The following TMCC3 variants were observed in gnomAD, a reference collection of about 807,000 sequenced individuals.
The protein encoded by TMCC3 is transmembrane and coiled-coil domain family 3.
TMCC3 carries 28 observed loss-of-function variants against 40.2 expected under a neutral mutation model. The observed-to-expected ratio is 0.70, with a 90% CI of 0.52 to 0.95. The LOEUF is 0.95. TMCC3 is among the 40% of genes least tolerant of loss of function. The probability of loss-of-function intolerance (pLI) is 0.00; values close to 1 mark genes in which losing one functional copy is unlikely to be tolerated. For missense variants in TMCC3, 554 were observed against 615.2 expected (o/e 0.90, Z 1.05); for synonymous variants, 255 against 248.5 (o/e 1.03, Z -0.25).
chr12:94,584,882 A>G (rs1487585567), intron 1 of TMCC3, among the ~76,000 whole-genome samples: 1 of 152,140 alleles, frequency 6.6e-6, no homozygotes, highest in Non-Finnish European at 1.5e-5. Context: ...ATAGGGAATA[A>G]AGAAGGTATA....
Position 94,593,422 on chromosome 12 carries a change from AG to A in TMCC3, c.79-10885del, listed in dbSNP as rs376232219. On this transcript the variant is annotated intron_variant, in intron 1 of 3. Coordinates refer to ENST00000261226, the MANE Select transcript of TMCC3 (RefSeq NM_020698.4). ...GAAAGAAGAAGAAGGAAGAAGAAGA[AG>A]GAAGAAGAAGGAGAAGGAGAAGGAG... Among the ~76,000 whole-genome samples, 18 of 25,570 alleles carry A rather than the reference AG, an allele frequency of 7.0e-4. 2 individuals carry two copies. Among genetic ancestry groups the A allele is most frequent in the African/African-American group, 1.9e-3 (13 of 6,842 alleles). 16.8% of individuals were successfully genotyped at this position (25,570 alleles called of 152,430 possible). A position where few individuals can be genotyped will look rare whatever the true frequency, so the allele number is the denominator to read the frequency against.
In TMCC3 at chr12:94,571,322, A is replaced by T. The variant is rs1270429504; in HGVS notation, c.*113T>A. On this transcript the variant is annotated 3_prime_UTR_variant, in exon 4 of 4. Transcript: ENST00000261226. ...GTAGTTATTTACACCACACAGTCCTAGTTTTTCTTACACACGAGTCCGCAC... is the reference window on the plus strand; with the variant it reads ...GTAGTTATTTACACCACACAGTCCTTGTTTTTCTTACACACGAGTCCGCAC... 1.8e-6 allele frequency: 2 copies of T among 1,085,008 alleles called. No homozygotes were observed. Among genetic ancestry groups the T allele is most frequent in the African/African-American group, 3.2e-5 (2 of 62,722 alleles). 67.2% of individuals were successfully genotyped at this position (1,085,008 alleles called of 1,614,324 possible). A position where few individuals can be genotyped will look rare whatever the true frequency, so the allele number is the denominator to read the frequency against.
intron 1 of TMCC3, among the ~76,000 whole-genome samples, chr12:94,589,150 T>C (rs2068656690): frequency 6.6e-6 from 1 of 151,142 alleles, no homozygotes; most frequent in Admixed American, 6.6e-5. Context: ...TTTTTTTAGC[T>C]CATTGGCTAT....
chr12:94,621,131 A>G (rs950513741), intron 1 of TMCC3, among the ~76,000 whole-genome samples: 1 of 152,276 alleles, frequency 6.6e-6, no homozygotes, highest in African/African-American at 2.4e-5. Context: ...AACCATGCTT[A>G]GAAAACGCTG....
intron 1 of TMCC3, among the ~76,000 whole-genome samples, chr12:94,639,219 T>A (rs1410477030): frequency 6.6e-6 from 1 of 152,164 alleles, no homozygotes; most frequent in South Asian, 2.1e-4. Context: ...TCCACCTAGA[T>A]GAGACTGCCT....
intron 1 of TMCC3, among the ~76,000 whole-genome samples, chr12:94,642,261 G>A (rs1395754497): frequency 1.3e-5 from 2 of 152,124 alleles, no homozygotes; most frequent in Non-Finnish European, 2.9e-5. Context: ...AATTTTACTG[G>A]TTACAGTCTG....
intron 1 of TMCC3, among the ~76,000 whole-genome samples, chr12:94,619,629 C>G (rs1566330593): frequency 6.6e-6 from 1 of 152,202 alleles, no homozygotes; most frequent in Non-Finnish European, 1.5e-5. Flanking sequence ...GTGTTTGCCT[C>G]TATTCTCATT....
At chr12:94,632,933 G>A (rs11107629) in intron 1 of TMCC3, among the ~76,000 whole-genome samples, 1,791 of 152,024 alleles carry the variant, frequency 0.012, 28 homozygotes, top group African/African-American at 0.041. Context: ...AGGGTGAAAC[G>A]CCATCTCTAC....
intron 1 of TMCC3, among the ~76,000 whole-genome samples, chr12:94,633,060 T>C (rs2068941876): frequency 6.6e-6 from 1 of 152,082 alleles, no homozygotes; most frequent in Admixed American, 6.6e-5. Context: ...GGGCCGAGAT[T>C]GCACCATTGC....
In TMCC3 at chr12:94,568,688, TAA is replaced by T. The variant is rs745875289; in HGVS notation, c.*2745_*2746del. On this transcript the variant is annotated 3_prime_UTR_variant, in exon 4 of 4. Coordinates refer to ENST00000261226, the MANE Select transcript of TMCC3 (RefSeq NM_020698.4). ...TTAAGAGAGAATAAACTGCAGAGAT[TAA>T]AAGTTTCCTTCGAGTGTATCATCTT... 3.3e-5 allele frequency: 5 copies of T among 152,184 alleles called. No individual in the cohort carries two copies. The highest frequency in any genetic ancestry group is 5.9e-5 in the Non-Finnish European group (4 of 68,032). The allele number at this position is 152,184 out of a possible 1,614,324, so 9.4% of individuals were successfully genotyped here.
Position 94,570,023 on chromosome 12 carries a change from G to A in TMCC3, c.*1412C>T, listed in dbSNP as rs1341305009. 1.3e-5 allele frequency: 2 copies of A among 152,172 alleles called. No homozygotes were observed. The highest frequency in any genetic ancestry group is 2.9e-5 in the Non-Finnish European group (2 of 68,034). The allele number at this position is 152,172 out of a possible 1,614,324, so 9.4% of individuals were successfully genotyped here. ...GCGGTGAATGGTATCCCCCAAACAGGGATGTGAACTTTTGAATGTTTTCAG... is the reference window on the plus strand; with the variant it reads ...GCGGTGAATGGTATCCCCCAAACAGAGATGTGAACTTTTGAATGTTTTCAG... On this transcript the variant is annotated 3_prime_UTR_variant, in exon 4 of 4. Transcript: ENST00000261226.
chr12:94,621,048 C>G, intron 1 of TMCC3, among the ~76,000 whole-genome samples: 1 of 152,154 alleles, frequency 6.6e-6, no homozygotes, highest in East Asian at 1.9e-4. Flanking sequence ...CACATTGAAT[C>G]TTCTGTATAT....
intron 1 of TMCC3, 140 bp downstream of exon 1, chr12:94,650,213 G>C (rs1334375104): frequency 5.1e-6 from 2 of 394,018 alleles, no homozygotes; most frequent in Non-Finnish European, 7.9e-6. Flanking sequence ...TCGGAGGATC[G>C]GGGAGGCACG....
intron 1 of TMCC3, among the ~76,000 whole-genome samples, chr12:94,630,559 T>C (rs2068927635): frequency 6.6e-6 from 1 of 152,206 alleles, no homozygotes; most frequent in South Asian, 2.1e-4. Context: ...TGTCTCTTTC[T>C]TGGCACTGCA....
chr12:94,610,443 AT>A (rs1291853702), intron 1 of TMCC3, among the ~76,000 whole-genome samples: 20 of 147,084 alleles, frequency 1.4e-4, no homozygotes, highest in Non-Finnish European at 2.8e-4. Context: ...AAAAAAAAAA[AT>A]TTTTTTTTCA....
At chr12:94,612,205 G>A (rs2068820266) in intron 1 of TMCC3, among the ~76,000 whole-genome samples, 1 of 152,144 alleles carries the variant, frequency 6.6e-6, no homozygotes, top group African/African-American at 2.4e-5. Context: ...TCACCATGTT[G>A]ACCAGGCTGG....
intron 1 of TMCC3, among the ~76,000 whole-genome samples, chr12:94,646,439 T>TC (rs1286850677): frequency 7.0e-6 from 1 of 142,706 alleles, no homozygotes; most frequent in East Asian, 2.0e-4. Flanking sequence ...ACCTTTTTTT[T>TC]TTTTTTTTTT....
At chr12:94,594,237 T>A (rs1213429245) in intron 1 of TMCC3, among the ~76,000 whole-genome samples, 17 of 117,986 alleles carry the variant, frequency 1.4e-4, no homozygotes, top group Admixed American at 1.8e-4. Flanking sequence ...ACACACAGAG[T>A]GAGAGAGAGA....
At position 94,567,870 on chromosome 12, in the gene TMCC3, T is replaced by G. The variant is rs1477990279; in HGVS notation, c.*3565A>C. The G allele has an allele frequency of 6.6e-6, 1 of 152,230 alleles. No homozygotes were observed. The highest frequency in any genetic ancestry group is 1.5e-5 in the Non-Finnish European group (1 of 68,044). The allele number at this position is 152,230 out of a possible 1,614,324, so 9.4% of individuals were successfully genotyped here. On this transcript the variant is annotated 3_prime_UTR_variant, in exon 4 of 4. Coordinates refer to ENST00000261226, the MANE Select transcript of TMCC3 (RefSeq NM_020698.4). ...AACATTCCCATTCAATGCAAAATAATTTGGTACAATCCGACCAAAAAAGAC... is the reference window on the plus strand; with the variant it reads ...AACATTCCCATTCAATGCAAAATAAGTTGGTACAATCCGACCAAAAAAGAC...
Sources: gnomAD v4.1 joint callset for allele counts (sites outside exome capture counted in the v4.1 genomes callset) on GRCh38, gnomAD v4.1.1 for gene constraint, MANE v1.5 for transcripts, NCBI Gene and HGNC (gene_info 2026-07-23, HGNC 2026-07-21) for gene names.